The following FCRL1 variants were observed in gnomAD, a reference collection of about 807,000 sequenced individuals.
FCRL1 encodes the protein Fc receptor like 1, also known as Fc receptor-like protein 1.
Under a neutral mutation model 49.2 loss-of-function variants are expected in FCRL1, and 34 were observed. The ratio of observed to expected loss-of-function variants is 0.69; its 90% CI spans 0.53 to 0.92. The LOEUF is 0.92. Ranked by LOEUF, FCRL1 falls within the 40% of genes least tolerant of loss-of-function variation. FCRL1 has a pLI of 0.00. For synonymous variants in FCRL1, 218 were observed against 201.6 expected, an observed-to-expected ratio of 1.08 and a Z score of -0.69; for missense variants, 524 against 524.1, an observed-to-expected ratio of 1.00 and a Z score of 0.00.
intron 7 of FCRL1, 25 bp from the exon 8 acceptor site, chr1:157,798,268 T>C (rs756802520): frequency 1.3e-6 from 2 of 1,566,854 alleles, no homozygotes; most frequent in Non-Finnish European, 1.7e-6. Context: ...ACACATGTTA[T>C]TTATCTGAAA....
chr1:157,800,175 T>C, intron 6 of FCRL1, 90 bp from the exon 7 acceptor site: 1 of 1,281,462 alleles, frequency 7.8e-7, no homozygotes, highest in Non-Finnish European at 1.1e-6. Flanking sequence ...CACAGGGATA[T>C]GCCTCATGCT....
At chr1:157,800,200 G>T in intron 6 of FCRL1, 115 bp from the exon 7 acceptor site, 1 of 875,264 alleles carries the variant, frequency 1.1e-6, no homozygotes, top group Non-Finnish European at 1.7e-6. Context: ...TGCCCATTGT[G>T]GGTGCCACTG....
chr1:157,797,977 T>C, intron 8 of FCRL1, 38 bp from the exon 9 acceptor site: 35 of 1,600,434 alleles, frequency 2.2e-5, no homozygotes, highest in Non-Finnish European at 2.8e-5. Flanking sequence ...ACACAGCCCC[T>C]GATTCCTGTC....
chr1:157,798,703 A>G (rs1651946368), intron 7 of FCRL1, among the ~76,000 whole-genome samples: 1 of 152,190 alleles, frequency 6.6e-6, no homozygotes, highest in Non-Finnish European at 1.5e-5. Flanking sequence ...ATGATAATAC[A>G]TTATATTAAA....
At chr1:157,817,645 CAAAAGCAAT>C (rs1460386242) in intron 1 of FCRL1, among the ~76,000 whole-genome samples, 1 of 151,904 alleles carries the variant, frequency 6.6e-6, no homozygotes, top group East Asian at 1.9e-4. Context: ...ACCTCAAAAG[CAAAAGCAAT>C]AAAAGCAAAA....
chr1:157,819,220 G>C (rs1655462323), intron 1 of FCRL1, among the ~76,000 whole-genome samples: 1 of 152,156 alleles, frequency 6.6e-6, no homozygotes, highest in African/African-American at 2.4e-5. Context: ...TAGGATAATT[G>C]CCTGGCATTG....
rs1655573650 is a variant in FCRL1 at position 157,819,993 on chromosome 1, G to A, written c.31+14C>T. On this transcript the variant is annotated intron_variant, in intron 1 of 10. Coordinates refer to ENST00000368176, the MANE Select transcript of FCRL1 (RefSeq NM_052938.5). Reference sequence around the variant, plus strand: ...GATTGCATCCCATGCCCTGCTCTGAGTTGCCCAACTCACCACAGATCAACA... The same window carrying A: ...GATTGCATCCCATGCCCTGCTCTGAATTGCCCAACTCACCACAGATCAACA... The A allele has an allele frequency of 6.2e-7, 1 of 1,614,014 alleles. No individual in the cohort carries two copies. The highest frequency in any genetic ancestry group is 2.2e-5 in the East Asian group (1 of 44,868).
intron 5 of FCRL1, 125 bp from the exon 6 acceptor site, chr1:157,801,702 G>C: frequency 1.1e-6 from 1 of 874,028 alleles, no homozygotes; most frequent in East Asian, 2.4e-5. Flanking sequence ...TATTTGTCTA[G>C]GGACTTGTGG....
intron 1 of FCRL1, among the ~76,000 whole-genome samples, chr1:157,813,168 T>C (rs1654558992): frequency 6.6e-6 from 1 of 152,162 alleles, no homozygotes; most frequent in Admixed American, 6.5e-5. Flanking sequence ...TTCCACCAGA[T>C]GCACAAATGG....
At chr1:157,797,347 C>G (rs1651677572) in intron 9 of FCRL1, among the ~76,000 whole-genome samples, 1 of 152,172 alleles carries the variant, frequency 6.6e-6, no homozygotes, top group Non-Finnish European at 1.5e-5. Context: ...AGTAGACCCT[C>G]TATGCCAGGA....
intron 3 of FCRL1, among the ~76,000 whole-genome samples, chr1:157,803,614 C>A (rs959598972): frequency 1.3e-5 from 2 of 152,212 alleles, no homozygotes. Flanking sequence ...CCACACCCTC[C>A]AGCACAGTGA....
rs1480438241 is a variant in FCRL1 at position 157,794,546 on chromosome 1, C to A, written c.*1553G>T. The A allele has an allele frequency of 1.3e-5, 2 of 152,100 alleles. No homozygotes were observed. The highest frequency in any genetic ancestry group is 6.6e-5 in the Admixed American group (1 of 15,260). 9.4% of individuals were successfully genotyped at this position (152,100 alleles called of 1,614,324 possible). ...CTGAGAGACATTGAAGACTATTTAA[C>A]AAGAATATTTAATATGCATAATCTA... On this transcript the variant is annotated 3_prime_UTR_variant, in exon 11 of 11. Coordinates refer to ENST00000368176, the MANE Select transcript of FCRL1 (RefSeq NM_052938.5).
In FCRL1 at chr1:157,795,603, T is replaced by C. The variant is rs1412014441; in HGVS notation, c.*496A>G. ...TTTGGTAACAGTGACTCAAAATAAA[T>C]AGAATCATATTTTAGGTGGAAACTC... On this transcript the variant is annotated 3_prime_UTR_variant, in exon 11 of 11. Coordinates refer to ENST00000368176, the MANE Select transcript of FCRL1 (RefSeq NM_052938.5). 1 of 152,624 alleles carries C rather than the reference T, an allele frequency of 6.6e-6. No individual in the cohort carries two copies. The highest frequency in any genetic ancestry group is 2.4e-5 in the African/African-American group (1 of 41,444). The allele number at this position is 152,624 out of a possible 1,614,324, so 9.5% of individuals were successfully genotyped here. A position where few individuals can be genotyped will look rare whatever the true frequency, so the allele number is the denominator to read the frequency against.
intron 1 of FCRL1, among the ~76,000 whole-genome samples, chr1:157,810,707 A>G (rs944010298): frequency 6.6e-6 from 1 of 152,222 alleles, no homozygotes; most frequent in African/African-American, 2.4e-5. Context: ...AGTAAATCTT[A>G]ATGTAATGTA....
At chr1:157,809,636 T>C (rs1178709042) in intron 1 of FCRL1, among the ~76,000 whole-genome samples, 4 of 152,134 alleles carry the variant, frequency 2.6e-5, no homozygotes, top group Non-Finnish European at 5.9e-5. Flanking sequence ...ATTTTTTTTT[T>C]CTTTAGTAGA....
intron 1 of FCRL1, among the ~76,000 whole-genome samples, chr1:157,808,706 A>G (rs1653845030): frequency 6.6e-6 from 1 of 152,232 alleles, no homozygotes. Context: ...TATAGAAGTG[A>G]AAGAAAAGCA....
chr1:157,812,476 T>C (rs1654464475), intron 1 of FCRL1, among the ~76,000 whole-genome samples: 1 of 152,162 alleles, frequency 6.6e-6, no homozygotes, highest in African/African-American at 2.4e-5. Context: ...TGTGTCTCAT[T>C]GACTCTGGGA....
intron 9 of FCRL1, chr1:157,797,648 T>A: frequency 4.1e-6 from 5 of 1,216,608 alleles, no homozygotes; most frequent in Non-Finnish European, 5.8e-6. Flanking sequence ...ATTTAAGAAA[T>A]TTGACAGCCC....
intron 6 of FCRL1, 49 bp downstream of exon 6, chr1:157,801,412 T>G (rs199934323): frequency 8.3e-7 from 1 of 1,197,872 alleles, no homozygotes; most frequent in Admixed American, 1.7e-5. Context: ...CCTATTTCAG[T>G]GAAAACAAAG....
Sources: allele counts gnomAD v4.1 joint callset (sites outside exome capture counted in the v4.1 genomes callset), GRCh38; gene constraint gnomAD v4.1.1; transcripts MANE v1.5; gene names NCBI Gene and HGNC (gene_info 2026-07-23, HGNC 2026-07-21).